A1CF: variants seen among roughly 807,000 people sequenced by gnomAD.
The protein encoded by A1CF is APOBEC1 complementation factor, also known as APOBEC-1 stimulating protein.
Under a neutral mutation model 68.9 loss-of-function variants are expected in A1CF, and 48 were observed. The observed-to-expected ratio is 0.70, with a 90% confidence interval of 0.55 to 0.89. The LOEUF is 0.89. Among genes scored for constraint, A1CF ranks in the 40% least tolerant of loss-of-function variants. A1CF has a pLI of 0.00. For synonymous variants in A1CF, 272 were observed against 260.4 expected (o/e 1.04, Z -0.43); for missense variants, 653 against 718.9 (o/e 0.91, Z 1.05).
chr10:50,827,802 T>C (rs991994235), intron 7 of A1CF, among the ~76,000 whole-genome samples: 9 of 151,400 alleles, frequency 5.9e-5, no homozygotes, highest in Admixed American at 2.6e-4. Flanking sequence ...CAGAACTGAA[T>C]GAGATAGAGG....
chr10:50,843,858 T>C, intron 4 of A1CF, 130 bp downstream of exon 4: 1 of 1,144,346 alleles, frequency 8.7e-7, no homozygotes, highest in Non-Finnish European at 1.3e-6. Flanking sequence ...AAACTTTGTC[T>C]ATAATTGAGG....
At chr10:50,848,484 A>G (rs1312582822) in intron 3 of A1CF, among the ~76,000 whole-genome samples, 1 of 152,172 alleles carries the variant, frequency 6.6e-6, no homozygotes, top group Non-Finnish European at 1.5e-5. Flanking sequence ...GCTCAACTTC[A>G]CCAATCATGG....
At chr10:50,828,708 G>A (rs1032137618) in intron 6 of A1CF, among the ~76,000 whole-genome samples, 29 of 152,240 alleles carry the variant, frequency 1.9e-4, no homozygotes, top group African/African-American at 7.0e-4. Context: ...AGGTTACTAG[G>A]AAGAGCATTT....
chr10:50,860,748 A>G (rs1398994309), intron 2 of A1CF, among the ~76,000 whole-genome samples: 2 of 152,218 alleles, frequency 1.3e-5, no homozygotes, highest in Admixed American at 1.3e-4. Context: ...TATTTTGGGA[A>G]CATGATTTGA....
At chr10:50,870,500 G>A (rs1011059463) in intron 1 of A1CF, among the ~76,000 whole-genome samples, 1 of 151,772 alleles carries the variant, frequency 6.6e-6, no homozygotes, top group Non-Finnish European at 1.5e-5. Context: ...TTTTAAAAAA[G>A]AGAATACTTT....
intron 1 of A1CF, among the ~76,000 whole-genome samples, chr10:50,864,328 A>G (rs966958704): frequency 1.3e-4 from 20 of 152,316 alleles, no homozygotes; most frequent in African/African-American, 4.3e-4. Flanking sequence ...AGAGAAGCAG[A>G]GTAGAGGAAC....
At chr10:50,855,703 T>C (rs1840448100) in intron 3 of A1CF, among the ~76,000 whole-genome samples, 1 of 152,010 alleles carries the variant, frequency 6.6e-6, no homozygotes, top group African/African-American at 2.4e-5. Context: ...GTATTTGTCC[T>C]GCTAGTGATA....
chr10:50,865,732 A>T (rs1840960455), intron 1 of A1CF, among the ~76,000 whole-genome samples: 1 of 152,168 alleles, frequency 6.6e-6, no homozygotes, highest in Non-Finnish European at 1.5e-5. Flanking sequence ...TGATCCTTCT[A>T]GACTTGATTA....
Position 50,806,216 on chromosome 10 carries a change from C to G in A1CF, c.*513G>C, listed in dbSNP as rs1837810561. The G allele has an allele frequency of 6.6e-6, 1 of 152,208 alleles. No individual in the cohort carries two copies. The highest frequency in any genetic ancestry group is 2.4e-5 in the African/African-American group (1 of 41,442). 9.4% of individuals were successfully genotyped at this position (152,208 alleles called of 1,614,324 possible). On this transcript the variant is annotated 3_prime_UTR_variant, in exon 13 of 13. Transcript: ENST00000373997. Reference sequence around the variant, plus strand: ...TTGGACAGTCTTTCATGAGCTCAGGCCTGCAATCATGCCCCACACAGTGAG... The same window carrying G: ...TTGGACAGTCTTTCATGAGCTCAGGGCTGCAATCATGCCCCACACAGTGAG...
intron 6 of A1CF, among the ~76,000 whole-genome samples, chr10:50,831,524 T>C (rs1588991868): frequency 1.3e-5 from 2 of 152,086 alleles, no homozygotes; most frequent in East Asian, 1.9e-4. Flanking sequence ...AGGTCAGTAG[T>C]TCGAGACCAG....
chr10:50,829,349 GT>G (rs1169361002), intron 6 of A1CF, among the ~76,000 whole-genome samples: 2 of 152,036 alleles, frequency 1.3e-5, no homozygotes, highest in African/African-American at 4.8e-5. Context: ...AATCTAGTTT[GT>G]TTTTTATTCG....
chr10:50,875,601 T>C (rs1385501701), intron 1 of A1CF, among the ~76,000 whole-genome samples: 1 of 152,212 alleles, frequency 6.6e-6, no homozygotes, highest in East Asian at 1.9e-4. Context: ...CAATCTTCAA[T>C]ATAGGCACCT....
In A1CF at chr10:50,816,285, G is replaced by A. The variant is rs1554812781; in HGVS notation, c.868-6C>T. On this transcript the variant is annotated splice_polypyrimidine_tract_variant and splice_region_variant and intron_variant, in intron 8 of 12. Coordinates refer to ENST00000373997, the MANE Select transcript of A1CF (RefSeq NM_014576.4). ...ATGGGGGAACCATCCAGCACCTGTT[G>A]TAGAGAGCAAAGAAATATCAACGCG... 1 of 1,612,554 alleles carries A rather than the reference G, an allele frequency of 6.2e-7. No homozygotes were observed. Among genetic ancestry groups the A allele is most frequent in the Non-Finnish European group, 8.5e-7 (1 of 1,179,180 alleles).
rs935334483 is a variant in A1CF, at chr10:50,800,363, A to T, written c.*6366T>A. On this transcript the variant is annotated 3_prime_UTR_variant, in exon 13 of 13. Coordinates refer to ENST00000373997, the MANE Select transcript of A1CF (RefSeq NM_014576.4). Reference sequence around the variant, plus strand: ...ATAACCATAATAGGTGAAGTGTTAAATTCACCTTTTAAAAGGCTTATTGTA... The same window carrying T: ...ATAACCATAATAGGTGAAGTGTTAATTTCACCTTTTAAAAGGCTTATTGTA... The T allele has an allele frequency of 3.3e-5, 5 of 152,148 alleles. No homozygotes were observed. The highest frequency in any genetic ancestry group is 1.2e-4 in the African/African-American group (5 of 41,442). 9.4% of individuals were successfully genotyped at this position (152,148 alleles called of 1,614,324 possible). A position where few individuals can be genotyped will look rare whatever the true frequency, so the allele number is the denominator to read the frequency against.
At chr10:50,807,032 A>T in intron 12 of A1CF, 152 bp from the exon 13 acceptor site, 2 of 742,028 alleles carry the variant, frequency 2.7e-6, no homozygotes, top group African/African-American at 1.8e-5. Context: ...TAAGGACACA[A>T]TATGTGGACT....
At chr10:50,881,435 T>A (rs192905215) in intron 1 of A1CF, among the ~76,000 whole-genome samples, 1 of 152,316 alleles carries the variant, frequency 6.6e-6, no homozygotes, top group African/African-American at 2.4e-5. Flanking sequence ...ATGGTGAATA[T>A]TGACACAGTT....
chr10:50,856,529 C>T (rs930296326), intron 3 of A1CF, among the ~76,000 whole-genome samples: 1 of 152,040 alleles, frequency 6.6e-6, no homozygotes, highest in African/African-American at 2.4e-5. Flanking sequence ...AAATGTTTGT[C>T]ACATGCTCTA....
intron 2 of A1CF, 45 bp from the exon 3 acceptor site, chr10:50,860,030 G>A: frequency 2.0e-6 from 2 of 988,032 alleles, no homozygotes; most frequent in Non-Finnish European, 3.1e-6. Flanking sequence ...CTGTTGTCAA[G>A]TCCAAACTTC....
chr10:50,818,133 C>A (rs950749818), intron 8 of A1CF, among the ~76,000 whole-genome samples: 1 of 152,096 alleles, frequency 6.6e-6, no homozygotes, highest in African/African-American at 2.4e-5. Flanking sequence ...ACATTCCATT[C>A]CTACCTAAGT....
Sources: allele counts gnomAD v4.1 joint callset (sites outside exome capture counted in the v4.1 genomes callset), GRCh38; gene constraint gnomAD v4.1.1; transcripts MANE v1.5; gene names NCBI Gene and HGNC (gene_info 2026-07-23, HGNC 2026-07-21).